Variants in SGCZ observed in about 807,000 individuals in gnomAD.
SGCZ encodes sarcoglycan zeta.
A neutral mutation model predicts 41.3 loss-of-function variants in SGCZ; 40 were observed. The ratio of observed to expected loss-of-function variants is 0.97; its 90% CI spans 0.75 to 1.26. The LOEUF (loss-of-function observed/expected upper bound fraction) is 1.26. SGCZ is among the 50% of genes most tolerant of loss of function. The pLI is 0.00. For missense variants in SGCZ, 552 were observed against 369.8 expected (o/e 1.49, Z -4.04); for synonymous variants, 206 against 137.5 (o/e 1.50, Z -3.49).
At chr8:14,361,806 A>G (rs576770642) in intron 2 of SGCZ, among the ~76,000 whole-genome samples, 5 of 152,220 alleles carry the variant, frequency 3.3e-5, no homozygotes, top group Non-Finnish European at 7.4e-5. Flanking sequence ...GTTTCTCCCC[A>G]TCTTTTTAGT....
At chr8:14,244,809 G>C (rs192581450) in intron 3 of SGCZ, among the ~76,000 whole-genome samples, 44 of 152,212 alleles carry the variant, frequency 2.9e-4, no homozygotes, top group African/African-American at 9.9e-4. Flanking sequence ...GGTCCTTCAA[G>C]TCCCATGTAA....
chr8:14,162,030 AT>A (rs1804063198), intron 5 of SGCZ, among the ~76,000 whole-genome samples: 1 of 152,080 alleles, frequency 6.6e-6, no homozygotes, highest in African/African-American at 2.4e-5. Flanking sequence ...AAAAACTTAG[AT>A]TTTTCAGGAA....
At chr8:14,811,451 A>T (rs1801734586) in intron 1 of SGCZ, among the ~76,000 whole-genome samples, 1 of 145,590 alleles carries the variant, frequency 6.9e-6, no homozygotes, top group Admixed American at 6.9e-5. Flanking sequence ...AACAAAAACA[A>T]CCTGGAGATC....
At chr8:14,717,037 A>G (rs1809712802) in intron 1 of SGCZ, among the ~76,000 whole-genome samples, 2 of 152,126 alleles carry the variant, frequency 1.3e-5, no homozygotes, top group East Asian at 1.9e-4. Context: ...GAGAAACTAC[A>G]TTTTTGAATA....
chr8:14,173,957 T>C (rs909308471), intron 4 of SGCZ, among the ~76,000 whole-genome samples: 2 of 152,112 alleles, frequency 1.3e-5, no homozygotes, highest in Non-Finnish European at 2.9e-5. Flanking sequence ...GATATTAGAA[T>C]GGTTATATTA....
At chr8:14,533,765 C>T (rs904883354) in intron 2 of SGCZ, among the ~76,000 whole-genome samples, 2 of 151,962 alleles carry the variant, frequency 1.3e-5, no homozygotes, top group African/African-American at 4.8e-5. Flanking sequence ...CAAAATATAT[C>T]TTTCCTCCAA....
chr8:14,309,320 A>G (rs1801449842), intron 3 of SGCZ: 3 of 1,595,728 alleles, frequency 1.9e-6, no homozygotes, highest in Non-Finnish European at 2.6e-6. Context: ...TATTGAGACT[A>G]TGTGGGAAGA....
chr8:14,959,912 G>A (rs1800910655), intron 1 of SGCZ, among the ~76,000 whole-genome samples: 1 of 152,160 alleles, frequency 6.6e-6, no homozygotes, highest in African/African-American at 2.4e-5. Flanking sequence ...CGCGCTGAGG[G>A]AAGGTCAGTT....
At position 14,295,468 on chromosome 8, in the gene SGCZ, A is replaced by G. The variant is rs1193292924; in HGVS notation, c.336+28635T>C. Among the ~76,000 whole-genome samples, 4 of 152,184 alleles carry G rather than the reference A, an allele frequency of 2.6e-5. No homozygotes were observed. The East Asian group carries it at 5.8e-4, about 22-fold the overall frequency. On this transcript the variant is annotated intron_variant, in intron 3 of 7. Coordinates refer to ENST00000382080, the MANE Select transcript of SGCZ (RefSeq NM_139167.4). ...TACAATCAAGAATCTGTCCATAATC[A>G]TTCCTTTTAAAAATAATCTGTAAAT...
At chr8:15,114,599 T>G (rs1033589220) in intron 1 of SGCZ, among the ~76,000 whole-genome samples, 3 of 152,212 alleles carry the variant, frequency 2.0e-5, no homozygotes, top group African/African-American at 7.2e-5. Context: ...TAGAGAGCTG[T>G]GCTTATTGTT....
chr8:15,061,274 A>G (rs1804917835), intron 1 of SGCZ, among the ~76,000 whole-genome samples: 2 of 146,890 alleles, frequency 1.4e-5, no homozygotes, highest in Non-Finnish European at 3.1e-5. Context: ...AAGACAAACT[A>G]ACACAGGAAC....
intron 3 of SGCZ, among the ~76,000 whole-genome samples, chr8:14,278,609 T>C (rs1800314149): frequency 1.3e-5 from 2 of 152,192 alleles, no homozygotes; most frequent in African/African-American, 4.8e-5. Flanking sequence ...ACAGATCTCA[T>C]AGGCTTATAT....
At chr8:15,120,122 G>C (rs918086522) in intron 1 of SGCZ, among the ~76,000 whole-genome samples, 1 of 152,224 alleles carries the variant, frequency 6.6e-6, no homozygotes, top group Non-Finnish European at 1.5e-5. Flanking sequence ...TTGGGTTACA[G>C]GCATGAGCCA....
intron 1 of SGCZ, among the ~76,000 whole-genome samples, chr8:14,742,483 G>C (rs1412129953): frequency 2.0e-5 from 3 of 152,012 alleles, no homozygotes; most frequent in South Asian, 2.1e-4. Flanking sequence ...AGTGAGCAAA[G>C]ACAATTTGGA....
At chr8:14,385,624 G>A (rs1301375285) in intron 2 of SGCZ, among the ~76,000 whole-genome samples, 1 of 152,028 alleles carries the variant, frequency 6.6e-6, no homozygotes, top group Non-Finnish European at 1.5e-5. Flanking sequence ...AATAGTCCAT[G>A]GGGTCTTGGT....
At chr8:14,919,282 A>G (rs905291461) in intron 1 of SGCZ, among the ~76,000 whole-genome samples, 1 of 151,892 alleles carries the variant, frequency 6.6e-6, no homozygotes, top group Non-Finnish European at 1.5e-5. Flanking sequence ...CTACTAAAAT[A>G]CAAAAGAAAT....
intron 1 of SGCZ, among the ~76,000 whole-genome samples, chr8:15,106,351 A>G (rs966364736): frequency 1.3e-5 from 2 of 152,098 alleles, no homozygotes; most frequent in African/African-American, 4.8e-5. Context: ...CATTATATAC[A>G]TATTACATAT....
At chr8:14,188,357 T>C (rs192222005) in intron 4 of SGCZ, among the ~76,000 whole-genome samples, 1 of 152,330 alleles carries the variant, frequency 6.6e-6, no homozygotes, top group Non-Finnish European at 1.5e-5. Context: ...TAAAGTTTTA[T>C]TTGGCCTTAG....
intron 1 of SGCZ, among the ~76,000 whole-genome samples, chr8:14,896,773 G>C (rs539814075): frequency 6.6e-6 from 1 of 151,754 alleles, no homozygotes; most frequent in African/African-American, 2.4e-5. Context: ...CACCACACCT[G>C]GCTGACTTTT....
Sources: gnomAD v4.1 joint callset for allele counts (sites outside exome capture counted in the v4.1 genomes callset) on GRCh38, gnomAD v4.1.1 for gene constraint, MANE v1.5 for transcripts, NCBI Gene and HGNC (gene_info 2026-07-23, HGNC 2026-07-21) for gene names.